GRM7: variants seen among roughly 807,000 people sequenced by gnomAD.
GRM7 encodes the protein glutamate metabotropic receptor 7.
GRM7 carries 35 observed loss-of-function variants against 84.5 expected under a neutral mutation model. The observed-to-expected ratio is 0.41, with a 90% CI of 0.32 to 0.55. The LOEUF (loss-of-function observed/expected upper bound fraction) is 0.55, where lower values mean the gene tolerates loss of function less well. Ranked by LOEUF, GRM7 falls within the 20% of genes least tolerant of loss-of-function variation. GRM7 has a pLI of 0.19. For synonymous variants in GRM7, 487 were observed against 455.1 expected (o/e 1.07, Z -0.89); for missense variants, 1,003 against 1,194.6 (o/e 0.84, Z 2.36).
At chr3:6,972,738 G>A (rs765389515) in intron 1 of GRM7, among the ~76,000 whole-genome samples, 21 of 152,174 alleles carry the variant, frequency 1.4e-4, no homozygotes, top group Non-Finnish European at 2.2e-4. Flanking sequence ...TCTTGTGTTA[G>A]GCAGAGATGG....
chr3:7,168,789 T>C (rs1694889558), intron 2 of GRM7, among the ~76,000 whole-genome samples: 1 of 152,222 alleles, frequency 6.6e-6, no homozygotes, highest in Non-Finnish European at 1.5e-5. Context: ...ATTGAGTAAC[T>C]ACCAAGACTA....
At chr3:7,332,690 T>C (rs1424268090) in intron 4 of GRM7, among the ~76,000 whole-genome samples, 1 of 152,060 alleles carries the variant, frequency 6.6e-6, no homozygotes, top group Non-Finnish European at 1.5e-5. Context: ...GAACTTATGC[T>C]CCAAGAACCA....
rs1209770395 is a variant in GRM7, at chr3:7,435,571, G to T, written c.1175-17036G>T. 3.3e-5 allele frequency among the ~76,000 whole-genome samples: 5 copies of T among 152,038 alleles called. No homozygotes were observed. In the East Asian group the frequency reaches 9.7e-4, roughly 29 times the overall value. ...CTTGTCACCCAGGCTGGAGTACAATGGCACGATCTCAGCTCGCTGCAACCT... is the reference window on the plus strand; with the variant it reads ...CTTGTCACCCAGGCTGGAGTACAATTGCACGATCTCAGCTCGCTGCAACCT... On this transcript the variant is annotated intron_variant, in intron 5 of 9. Coordinates refer to ENST00000357716, the MANE Select transcript of GRM7 (RefSeq NM_000844.4).
chr3:7,016,539 G>A (rs2124904321), intron 1 of GRM7, among the ~76,000 whole-genome samples: 1 of 152,238 alleles, frequency 6.6e-6, no homozygotes, highest in Middle Eastern at 3.4e-3. Context: ...CCTTTTCTGA[G>A]GAAGGAACTC....
chr3:7,660,497 TTAAAG>T (rs1371440445), intron 8 of GRM7, among the ~76,000 whole-genome samples: 1 of 152,150 alleles, frequency 6.6e-6, no homozygotes, highest in Non-Finnish European at 1.5e-5. Context: ...GTGAAATAAA[TTAAAG>T]TAGACCTAAA....
At chr3:7,098,459 A>T (rs73115067) in intron 1 of GRM7, among the ~76,000 whole-genome samples, 3,332 of 152,106 alleles carry the variant, frequency 0.022, 114 homozygotes, top group African/African-American at 0.077. Context: ...TAATGCTATT[A>T]AGAAATGTCC....
chr3:7,521,413 C>A (rs868786853), intron 7 of GRM7, among the ~76,000 whole-genome samples: 8 of 152,288 alleles, frequency 5.3e-5, no homozygotes, highest in Middle Eastern at 6.8e-3. Flanking sequence ...AGGCAAGCCC[C>A]TGTGAATGTG....
intron 7 of GRM7, among the ~76,000 whole-genome samples, chr3:7,571,052 T>G (rs1274422339): frequency 6.6e-6 from 1 of 152,118 alleles, no homozygotes; most frequent in Admixed American, 6.5e-5. Context: ...AGTGCACCAA[T>G]TTCCTATGCT....
chr3:7,313,754 A>G (rs1334498123), intron 4 of GRM7, among the ~76,000 whole-genome samples: 1 of 152,152 alleles, frequency 6.6e-6, no homozygotes, highest in Admixed American at 6.6e-5. Flanking sequence ...TTCTATTATA[A>G]GGTGAAGCTA....
chr3:7,460,424 G>A (rs1047031365), intron 6 of GRM7, among the ~76,000 whole-genome samples: 1 of 152,054 alleles, frequency 6.6e-6, no homozygotes, highest in Admixed American at 6.6e-5. Context: ...GCAAGCTGGG[G>A]CTCACATTGG....
chr3:7,307,022 A>C lies in GRM7; in HGVS notation c.1033+370A>C, dbSNP rs9863314. On this transcript the variant is annotated intron_variant, in intron 4 of 9. Transcript: ENST00000357716. ...CCTTTCACTTTGTAACGCATCCATT[A>C]TTTCCTTATTAGAAGAAGTACAAGA... is the stretch of plus-strand genomic sequence containing the variant. Among the ~76,000 whole-genome samples the C allele has an allele frequency of 2.9e-3, 441 of 152,178 alleles. 1 individual carries two copies. The highest frequency in any genetic ancestry group is 1.0e-2 in the African/African-American group (415 of 41,528).
chr3:7,463,806 C>A (rs1698351240), intron 7 of GRM7, among the ~76,000 whole-genome samples: 1 of 152,074 alleles, frequency 6.6e-6, no homozygotes, highest in Non-Finnish European at 1.5e-5. Context: ...ACTCATGCAA[C>A]CCCTTGTATG....
intron 1 of GRM7, among the ~76,000 whole-genome samples, chr3:6,965,863 T>C (rs1021305360): frequency 2.0e-4 from 31 of 152,178 alleles, no homozygotes; most frequent in African/African-American, 6.5e-4. Flanking sequence ...TGATTACAGA[T>C]AGGCAGGAGT....
chr3:7,476,141 T>C (rs1698912303), intron 7 of GRM7, among the ~76,000 whole-genome samples: 1 of 152,208 alleles, frequency 6.6e-6, no homozygotes, highest in East Asian at 1.9e-4. Flanking sequence ...TCACCACCTA[T>C]TGGTTCTACC....
At chr3:7,520,511 A>G (rs1011704684) in intron 7 of GRM7, among the ~76,000 whole-genome samples, 4 of 112,934 alleles carry the variant, frequency 3.5e-5, no homozygotes, top group African/African-American at 9.7e-5. Context: ...CCTGAAAAAA[A>G]TAAAAAAAAA....
intron 1 of GRM7, among the ~76,000 whole-genome samples, chr3:6,910,104 T>C (rs1472794838): frequency 6.6e-6 from 1 of 152,074 alleles, no homozygotes; most frequent in African/African-American, 2.4e-5. Context: ...CATGGGATAA[T>C]TAAAAACTGG....
Position 7,499,309 on chromosome 3 carries a change from C to T in GRM7, c.1515+37587C>T, listed in dbSNP as rs528195349. 1.8e-4 allele frequency among the ~76,000 whole-genome samples: 27 copies of T among 152,270 alleles called. No homozygotes were observed. In the South Asian group the frequency reaches 2.3e-3, roughly 13 times the overall value. On this transcript the variant is annotated intron_variant, in intron 7 of 9. Coordinates refer to ENST00000357716, the MANE Select transcript of GRM7 (RefSeq NM_000844.4). ...CCTTGGGAGATACATGGAGTTTCCA[C>T]AATGTTCTGTTCCTCTGGGTAGTCT...
chr3:7,565,149 A>T (rs1045999927), intron 7 of GRM7, among the ~76,000 whole-genome samples: 6 of 152,220 alleles, frequency 3.9e-5, no homozygotes, highest in Non-Finnish European at 8.8e-5. Flanking sequence ...CACAAAAGTA[A>T]TTATGGATCC....
intron 5 of GRM7, among the ~76,000 whole-genome samples, chr3:7,427,692 A>G (rs1696666279): frequency 6.6e-6 from 1 of 152,204 alleles, no homozygotes; most frequent in Non-Finnish European, 1.5e-5. Flanking sequence ...TCCCACTTTT[A>G]TCCACCAGTT....
Sources: gnomAD v4.1 joint callset for allele counts (sites outside exome capture counted in the v4.1 genomes callset) on GRCh38, gnomAD v4.1.1 for gene constraint, MANE v1.5 for transcripts, NCBI Gene and HGNC (gene_info 2026-07-23, HGNC 2026-07-21) for gene names.